CD1B: variants seen among roughly 807,000 people sequenced by gnomAD.
CD1B encodes CD1b molecule, also known as T-cell surface glycoprotein CD1b.
In CD1B, 43 loss-of-function variants were observed where a neutral mutation model predicts 39.8. That is an observed-to-expected ratio of 1.08 (90% CI 0.85 to 1.39). The LOEUF is 1.39. Among genes scored for constraint, CD1B ranks in the 40% most tolerant of loss-of-function variants. CD1B has a pLI of 0.00. For synonymous variants in CD1B, 192 were observed against 152.5 expected (o/e 1.26, Z -1.91); for missense variants, 495 against 403.8 (o/e 1.23, Z -1.94).
chr1:158,329,164 C>T, intron 4 of CD1B, 150 bp from the exon 5 acceptor site: 1 of 926,778 alleles, frequency 1.1e-6, no homozygotes, highest in Non-Finnish European at 1.6e-6. Context: ...CTTTGATCCC[C>T]TCTACCCAGT....
the CD1B span, among the ~76,000 whole-genome samples, chr1:158,308,878 C>A: frequency 6.6e-6 from 1 of 152,154 alleles, no homozygotes; most frequent in Non-Finnish European, 1.5e-5. Flanking sequence ...CGTAAAAACC[C>A]TAGAAGAAAA....
chr1:158,293,656 T>A, the CD1B span: 1 of 1,425,242 alleles, frequency 7.0e-7, no homozygotes, highest in Non-Finnish European at 9.7e-7. Context: ...CTCCACTTTT[T>A]ATATAGCACT....
At chr1:158,315,430 T>G in the CD1B span, among the ~76,000 whole-genome samples, 1 of 152,036 alleles carries the variant, frequency 6.6e-6, no homozygotes, top group Non-Finnish European at 1.5e-5. Flanking sequence ...TTTTTTAATG[T>G]GTTTTTTGGC....
the CD1B span, among the ~76,000 whole-genome samples, chr1:158,296,136 C>A: frequency 3.9e-5 from 6 of 152,030 alleles, no homozygotes; most frequent in Non-Finnish European, 7.4e-5. Flanking sequence ...GAGCAGACCC[C>A]CACCGCCACT....
Position 158,330,525 on chromosome 1 carries a change from C to T in CD1B, c.328+271G>A, listed in dbSNP as rs1402799556. 4.7e-6 allele frequency: 3 copies of T among 638,810 alleles called. No individual in the cohort carries two copies. In the African/African-American group the frequency reaches 5.4e-5, roughly 11 times the overall value. 39.6% of individuals were successfully genotyped at this position (638,810 alleles called of 1,614,324 possible). ...GCACAGGGTAGGAGAAGTAAGGGCC[C>T]TTGAGGAGAAGTTTCACATAAGACA... On this transcript the variant is annotated intron_variant, in intron 2 of 5. Transcript: ENST00000368168.
the CD1B span, among the ~76,000 whole-genome samples, chr1:158,315,262 C>G: frequency 3.3e-5 from 5 of 152,182 alleles, no homozygotes; most frequent in Non-Finnish European, 7.3e-5. Context: ...AACTAGTTTA[C>G]AGTCCCATCA....
chr1:158,329,678 A>T (rs571526231), intron 3 of CD1B, 30 bp from the exon 4 acceptor site: 29 of 1,608,098 alleles, frequency 1.8e-5, no homozygotes, highest in African/African-American at 9.4e-5. Flanking sequence ...AAAAAGTGTC[A>T]TGTTATAACT....
the CD1B span, among the ~76,000 whole-genome samples, chr1:158,298,501 CT>C: frequency 1.3e-5 from 2 of 152,192 alleles, no homozygotes; most frequent in Non-Finnish European, 2.9e-5. Context: ...GCAATGTGGG[CT>C]CTTTTTGATT....
At chr1:158,298,240 A>G in the CD1B span, among the ~76,000 whole-genome samples, 1 of 152,234 alleles carries the variant, frequency 6.6e-6, no homozygotes, top group South Asian at 2.1e-4. Context: ...ACACAGGTTC[A>G]TAAAACAAGT....
chr1:158,302,854 T>A, the CD1B span, among the ~76,000 whole-genome samples: 2 of 152,088 alleles, frequency 1.3e-5, no homozygotes, highest in African/African-American at 4.8e-5. Context: ...CTAACAGGTA[T>A]ATAAAGAAAA....
At chr1:158,308,966 C>A in the CD1B span, among the ~76,000 whole-genome samples, 753 of 152,086 alleles carry the variant, frequency 5.0e-3, 3 homozygotes, top group African/African-American at 8.8e-3. Context: ...GCAACAAAAG[C>A]CAAAATTGAC....
Position 158,329,466 on chromosome 1 carries a change from G to T in CD1B, c.790C>A (p.Arg264=), listed in dbSNP as rs576805034. The change falls in exon 4 of 6, where the codon CGA becomes AGA. Residue 264 remains arginine, a synonymous_variant. Coordinates refer to ENST00000368168, the MANE Select transcript of CD1B (RefSeq NM_001764.3). ...LPNANWTWYL[R]ATLDVADGEA... is the part of the protein sequence containing the mutation. ...CCATCTGCCACATCCAGGGTTGCTCGGAGATACCATGTCCAGTTAGCATTG... is the reference window on the plus strand; with the variant it reads ...CCATCTGCCACATCCAGGGTTGCTCTGAGATACCATGTCCAGTTAGCATTG... 14 of 1,614,142 alleles carry T rather than the reference G, an allele frequency of 8.7e-6. No individual in the cohort carries two copies. The South Asian group carries it at 9.9e-5, about 11-fold the overall frequency.
At chr1:158,305,639 C>T in the CD1B span, among the ~76,000 whole-genome samples, 1 of 152,086 alleles carries the variant, frequency 6.6e-6, no homozygotes, top group African/African-American at 2.4e-5. Flanking sequence ...TCAGATTCAC[C>T]AAAGTTGAAA....
chr1:158,314,342 A>G, the CD1B span, among the ~76,000 whole-genome samples: 1 of 152,204 alleles, frequency 6.6e-6, no homozygotes, highest in African/African-American at 2.4e-5. Context: ...TCGGCCTCCC[A>G]AAGTGCTGGG....
At chr1:158,325,014 A>C (rs1435251368), downstream of CD1B, among the ~76,000 whole-genome samples, 1 of 152,184 alleles carries the variant, frequency 6.6e-6, no homozygotes, top group Non-Finnish European at 1.5e-5. Context: ...TCACTTGTGG[A>C]GAATGCCATA....
At position 158,328,096 on chromosome 1, in the gene CD1B, A is replaced by G. The variant is rs967355250; in HGVS notation, c.*140T>C. 6 of 697,158 alleles carry G rather than the reference A, an allele frequency of 8.6e-6. No individual in the cohort carries two copies. In the African/African-American group the frequency reaches 1.1e-4, roughly 13 times the overall value. 43.2% of individuals were successfully genotyped at this position (697,158 alleles called of 1,614,324 possible). On this transcript the variant is annotated 3_prime_UTR_variant, in exon 6 of 6. Transcript: ENST00000368168. ...GTACTTTTTTGCTGATGTTTAAATAATAATTTATTTTAAAATACATGAAAA... is the reference window on the plus strand; with the variant it reads ...GTACTTTTTTGCTGATGTTTAAATAGTAATTTATTTTAAAATACATGAAAA...
the CD1B span, among the ~76,000 whole-genome samples, chr1:158,295,166 A>C: frequency 6.6e-6 from 1 of 152,166 alleles, no homozygotes; most frequent in Non-Finnish European, 1.5e-5. Flanking sequence ...AGATGCAGCC[A>C]GGAAGAGCTT....
chr1:158,302,087 ACC>A, the CD1B span, among the ~76,000 whole-genome samples: 3 of 152,104 alleles, frequency 2.0e-5, no homozygotes, highest in East Asian at 5.8e-4. Flanking sequence ...AATCATACCA[ACC>A]ACACTCTTGC....
chr1:158,328,837 TA>T (rs1571186302), intron 5 of CD1B, 83 bp downstream of exon 5: 5 of 984,164 alleles, frequency 5.1e-6, no homozygotes, highest in Non-Finnish European at 7.6e-6. Flanking sequence ...AAACAATTTT[TA>T]AATAGATAAA....
Sources: gnomAD v4.1 joint callset for allele counts (sites outside exome capture counted in the v4.1 genomes callset) on GRCh38, gnomAD v4.1.1 for gene constraint, MANE v1.5 for transcripts, NCBI Gene and HGNC (gene_info 2026-07-23, HGNC 2026-07-21) for gene names.